The following VGLL4 variants were observed in gnomAD, a reference collection of about 807,000 sequenced individuals.
VGLL4 encodes the protein vestigial like family member 4.
In VGLL4, 7 loss-of-function variants were observed where a neutral mutation model predicts 21.0. The ratio of observed to expected loss-of-function variants is 0.33; its 90% CI spans 0.19 to 0.63. VGLL4 has a LOEUF of 0.63. Ranked by LOEUF, VGLL4 falls within the 20% of genes least tolerant of loss-of-function variation. The pLI is 0.78. For synonymous variants in VGLL4, 222 were observed against 173.2 expected, an observed-to-expected ratio of 1.28 and a Z score of -2.21; for missense variants, 394 against 425.7, an observed-to-expected ratio of 0.93 and a Z score of 0.66.
intron 2 of VGLL4, among the ~76,000 whole-genome samples, chr3:11,582,088 G>C (rs1364870486): frequency 6.6e-6 from 1 of 152,204 alleles, no homozygotes. Flanking sequence ...AAATCTGATT[G>C]GGACAAGGTG....
chr3:11,657,399 A>C (rs1284644859), intron 2 of VGLL4, among the ~76,000 whole-genome samples: 1 of 152,182 alleles, frequency 6.6e-6, no homozygotes, highest in Admixed American at 6.5e-5. Context: ...AGCAAATGAG[A>C]GCTTCACCTC....
chr3:11,573,254 A>G lies in VGLL4; in HGVS notation c.273-8235T>C, dbSNP rs1432798270. Among the ~76,000 whole-genome samples, 2 of 3,744 alleles carry G rather than the reference A, an allele frequency of 5.3e-4. 1 individual carries two copies. Among genetic ancestry groups the G allele is most frequent in the African/African-American group, 4.1e-3 (2 of 492 alleles). The allele number at this position is 3,744 out of a possible 152,430, so 2.5% of individuals were successfully genotyped here. On this transcript the variant is annotated intron_variant, in intron 2 of 4. Coordinates refer to ENST00000430365, the MANE Select transcript of VGLL4 (RefSeq NM_001128219.3). ...AGAAAGAAAAGAAATAGAGAAAGAA[A>G]GAAAGAAAGAAAGAAAGAAAGAAAG...
rs376713433 is a variant in VGLL4 at position 11,692,594 on chromosome 3, C to T, written c.64+10377G>A. 1.1e-4 allele frequency among the ~76,000 whole-genome samples: 17 copies of T among 152,226 alleles called. No individual in the cohort carries two copies. In the South Asian group the frequency reaches 2.9e-3, roughly 26 times the overall value. ...GTCCAGTCAGAGGAGGAGCGCTCCC[C>T]TGTGGTGCCTGAAGCACTCGACTGT... is the stretch of plus-strand genomic sequence containing the variant. On this transcript the variant is annotated intron_variant, in intron 2 of 5. Coordinates refer to the VGLL4 transcript ENST00000273038.
intron 2 of VGLL4, among the ~76,000 whole-genome samples, chr3:11,659,262 A>G (rs2075999622): frequency 6.6e-6 from 1 of 151,458 alleles, no homozygotes; most frequent in Non-Finnish European, 1.5e-5. Context: ...CAAACAATAG[A>G]AGGCAGAGGG....
At chr3:11,690,963 A>C (rs1003718602) in intron 2 of VGLL4, among the ~76,000 whole-genome samples, 5 of 152,204 alleles carry the variant, frequency 3.3e-5, no homozygotes, top group African/African-American at 1.2e-4. Flanking sequence ...GAGTATAAAG[A>C]AAAGATGTGG....
At chr3:11,623,051 A>G (rs1307812397) in intron 1 of VGLL4, among the ~76,000 whole-genome samples, 1 of 152,158 alleles carries the variant, frequency 6.6e-6, no homozygotes, top group African/African-American at 2.4e-5. Context: ...CTCACCATCC[A>G]CCTTTTAGTT....
At position 11,568,783 on chromosome 3, in the gene VGLL4, G is replaced by C; in HGVS notation, c.273-3764C>G. On this transcript the variant is annotated intron_variant, in intron 2 of 4. Coordinates refer to ENST00000430365, the MANE Select transcript of VGLL4 (RefSeq NM_001128219.3). This position sits in a 1 kb window ranked among gnomAD's most constrained non-coding sequence, Gnocchi z 5.9. Reference sequence around the variant, plus strand: ...TGGAAGTCGCCTCCGCTCCTGGTCAGGACTGTGCCCGAGAGAGCCCACGGC... The same window carrying C: ...TGGAAGTCGCCTCCGCTCCTGGTCACGACTGTGCCCGAGAGAGCCCACGGC... 1 of 1,471,916 alleles carries C rather than the reference G, an allele frequency of 6.8e-7. No individual in the cohort carries two copies. The highest frequency in any genetic ancestry group is 9.0e-7 in the Non-Finnish European group (1 of 1,114,344). The allele number at this position is 1,471,916 out of a possible 1,614,324, so 91.2% of individuals were successfully genotyped here.
intron 2 of VGLL4, among the ~76,000 whole-genome samples, chr3:11,655,426 T>G (rs1319629341): frequency 6.6e-6 from 1 of 152,188 alleles, no homozygotes; most frequent in Non-Finnish European, 1.5e-5. Context: ...ACAGCCTGGC[T>G]TCCTTCCCAC....
intron 2 of VGLL4, among the ~76,000 whole-genome samples, chr3:11,681,290 G>A (rs1342239010): frequency 1.3e-5 from 2 of 152,120 alleles, no homozygotes; most frequent in African/African-American, 4.8e-5. Context: ...GTAGAGACGG[G>A]GTTTCACCAT....
At position 11,578,950 on chromosome 3, in the gene VGLL4, G is replaced by A. The variant is rs562500250; in HGVS notation, c.273-13931C>T. On this transcript the variant is annotated intron_variant, in intron 2 of 4. Transcript: ENST00000430365. ...TTTTTAGTAGAGACGGGGTTTCATCGTGTTAGCCAGGATGGTCTCAATTTC... is the reference window on the plus strand; with the variant it reads ...TTTTTAGTAGAGACGGGGTTTCATCATGTTAGCCAGGATGGTCTCAATTTC... 8.6e-5 allele frequency among the ~76,000 whole-genome samples: 13 copies of A among 151,858 alleles called. No homozygotes were observed. In the South Asian group the frequency reaches 1.5e-3, roughly 17 times the overall value.
At chr3:11,576,712 T>C (rs1209977112) in intron 2 of VGLL4, among the ~76,000 whole-genome samples, 1 of 152,178 alleles carries the variant, frequency 6.6e-6, no homozygotes, top group African/African-American at 2.4e-5. Flanking sequence ...TCCCTGCTGC[T>C]TCACTCCACC....
chr3:11,631,115 CTGGA>C (rs548196711), intron 1 of VGLL4, among the ~76,000 whole-genome samples: 17 of 152,282 alleles, frequency 1.1e-4, no homozygotes, highest in South Asian at 4.1e-4. Flanking sequence ...GCACAAGAAG[CTGGA>C]TCCAAATTAC....
At chr3:11,680,323 C>G (rs1047080786) in intron 2 of VGLL4, among the ~76,000 whole-genome samples, 5 of 152,206 alleles carry the variant, frequency 3.3e-5, no homozygotes, top group Non-Finnish European at 7.3e-5. Flanking sequence ...TAACCATGAG[C>G]TGTTTTCCAC....
intron 3 of VGLL4, among the ~76,000 whole-genome samples, chr3:11,561,116 C>G (rs1443762967): frequency 2.1e-5 from 3 of 145,410 alleles, no homozygotes; most frequent in East Asian, 3.9e-4. Flanking sequence ...TGACCTTGGG[C>G]TCTAGGAGAC....
At chr3:11,702,135 G>A (rs1019300970) in intron 2 of VGLL4, among the ~76,000 whole-genome samples, 11 of 151,950 alleles carry the variant, frequency 7.2e-5, no homozygotes, top group African/African-American at 9.7e-5. Flanking sequence ...CATAAATGAC[G>A]TTCGATGATT....
chr3:11,566,570 G>A (rs750238477), intron 2 of VGLL4, among the ~76,000 whole-genome samples: 1 of 152,104 alleles, frequency 6.6e-6, no homozygotes, highest in Non-Finnish European at 1.5e-5. Flanking sequence ...CTGGCTTCAC[G>A]CCTCCAAATG....
At chr3:11,683,411 A>G (rs1438713078) in intron 2 of VGLL4, among the ~76,000 whole-genome samples, 1 of 152,210 alleles carries the variant, frequency 6.6e-6, no homozygotes, top group Non-Finnish European at 1.5e-5. Context: ...CTGCCATTCA[A>G]TCCAGCAATC....
intron 2 of VGLL4, among the ~76,000 whole-genome samples, chr3:11,688,871 A>G (rs747478999): frequency 2.0e-5 from 3 of 152,112 alleles, no homozygotes; most frequent in Admixed American, 6.6e-5. Flanking sequence ...TACAAAAATT[A>G]GCCGGGCATG....
chr3:11,597,786 C>A (rs2074682194), intron 2 of VGLL4, among the ~76,000 whole-genome samples: 2 of 152,196 alleles, frequency 1.3e-5, no homozygotes, highest in Non-Finnish European at 2.9e-5. Flanking sequence ...TGGCAATACT[C>A]CTCATCCCAG....
Sources: gnomAD v4.1 joint callset for allele counts (sites outside exome capture counted in the v4.1 genomes callset) on GRCh38, gnomAD v4.1.1 for gene constraint, Gnocchi (gnomAD v3.1) non-coding constraint, MANE v1.5 for transcripts, NCBI Gene and HGNC (gene_info 2026-07-23, HGNC 2026-07-21) for gene names.